GALNT13: variants seen among roughly 807,000 people sequenced by gnomAD.
GALNT13 encodes the protein UDP-GalNAc:polypeptide N-acetylgalactosaminyltransferase 13.
In GALNT13, 28 loss-of-function variants were observed where a neutral mutation model predicts 64.2. That is an observed-to-expected ratio of 0.44 (90% CI 0.32 to 0.60). The LOEUF (loss-of-function observed/expected upper bound fraction) is 0.60, where lower values mean the gene tolerates loss of function less well. GALNT13 is among the 20% of genes least tolerant of loss of function. The pLI is 0.05. For synonymous variants in GALNT13, 214 were observed against 224.6 expected (o/e 0.95, Z 0.42); for missense variants, 577 against 669.8 (o/e 0.86, Z 1.53).
intron 3 of GALNT13, among the ~76,000 whole-genome samples, chr2:154,056,379 T>G (rs1699894094): frequency 6.6e-6 from 1 of 152,178 alleles, no homozygotes; most frequent in African/African-American, 2.4e-5. Flanking sequence ...ATCTTTATAT[T>G]TTTAATCTAA....
chr2:153,376,413 T>G, the GALNT13 span, among the ~76,000 whole-genome samples: 126 of 152,240 alleles, frequency 8.3e-4, 1 homozygote, highest in African/African-American at 2.9e-3. Context: ...CAGGATTTAT[T>G]CTAAAAACAA....
At chr2:153,154,004 G>T in the GALNT13 span, among the ~76,000 whole-genome samples, 1 of 149,622 alleles carries the variant, frequency 6.7e-6, no homozygotes, top group Non-Finnish European at 1.5e-5. Context: ...GCCATTTCAT[G>T]ATATTGATTA....
the GALNT13 span, among the ~76,000 whole-genome samples, chr2:153,541,801 C>T: frequency 1.3e-5 from 2 of 152,214 alleles, no homozygotes; most frequent in East Asian, 1.9e-4. Context: ...ATACAGTTGC[C>T]CATAGTTTGT....
the GALNT13 span, chr2:153,187,377 T>A: frequency 6.6e-6 from 1 of 152,186 alleles, no homozygotes; most frequent in Non-Finnish European, 1.5e-5. Context: ...TCATGGAGAA[T>A]CTTTTCAGTG....
chr2:154,045,074 C>T (rs1699208888), intron 3 of GALNT13, among the ~76,000 whole-genome samples: 1 of 152,158 alleles, frequency 6.6e-6, no homozygotes, highest in Admixed American at 6.5e-5. Context: ...TCACTGAACT[C>T]AGCATGTGCT....
chr2:153,664,966 A>G, the GALNT13 span, among the ~76,000 whole-genome samples: 1 of 152,226 alleles, frequency 6.6e-6, no homozygotes, highest in South Asian at 2.1e-4. Flanking sequence ...CTGGAGTACA[A>G]TTTTATAGGC....
At chr2:153,819,713 T>C in the GALNT13 span, among the ~76,000 whole-genome samples, 7 of 152,150 alleles carry the variant, frequency 4.6e-5, no homozygotes, top group African/African-American at 1.7e-4. Flanking sequence ...TACTGGCCAG[T>C]CCATCTAACC....
chr2:153,195,942 C>A, the GALNT13 span, among the ~76,000 whole-genome samples: 1 of 152,184 alleles, frequency 6.6e-6, no homozygotes, highest in Admixed American at 6.5e-5. Context: ...CTCTCTGCAT[C>A]TGATCATCCC....
At chr2:153,699,754 A>G in the GALNT13 span, among the ~76,000 whole-genome samples, 1 of 152,170 alleles carries the variant, frequency 6.6e-6, no homozygotes, top group Non-Finnish European at 1.5e-5. Flanking sequence ...GAAATGGTAA[A>G]TTCCTGGACA....
the GALNT13 span, among the ~76,000 whole-genome samples, chr2:153,864,948 G>T: frequency 1.4e-5 from 2 of 146,416 alleles, 1 homozygote; most frequent in Non-Finnish European, 3.0e-5. Flanking sequence ...CATGGTACTG[G>T]TACCAAAACA....
chr2:153,852,070 G>GA, the GALNT13 span, among the ~76,000 whole-genome samples: 3 of 151,790 alleles, frequency 2.0e-5, no homozygotes, highest in South Asian at 2.1e-4. Flanking sequence ...CAAAAAATGA[G>GA]AAAAAATGGA....
chr2:153,551,604 G>A, the GALNT13 span, among the ~76,000 whole-genome samples: 1 of 152,204 alleles, frequency 6.6e-6, no homozygotes. Flanking sequence ...TCTTATTGAT[G>A]AATGTTGGAT....
At chr2:154,179,096 T>C (rs1685816442) in intron 4 of GALNT13, among the ~76,000 whole-genome samples, 1 of 152,162 alleles carries the variant, frequency 6.6e-6, no homozygotes, top group Non-Finnish European at 1.5e-5. Context: ...TCACTTATCC[T>C]TCGTGTCCCA....
chr2:153,134,083 T>A, the GALNT13 span, among the ~76,000 whole-genome samples: 3 of 152,206 alleles, frequency 2.0e-5, no homozygotes, highest in African/African-American at 7.2e-5. Context: ...ATTACTGTAA[T>A]GGGCAGAGCA....
chr2:153,453,534 T>C, the GALNT13 span, among the ~76,000 whole-genome samples: 1 of 152,084 alleles, frequency 6.6e-6, no homozygotes, highest in Admixed American at 6.5e-5. Context: ...ATCACTAATC[T>C]TCAGAGCAAT....
At chr2:153,411,004 G>A in the GALNT13 span, among the ~76,000 whole-genome samples, 1 of 151,728 alleles carries the variant, frequency 6.6e-6, no homozygotes, top group South Asian at 2.1e-4. Flanking sequence ...AGTTGGGACT[G>A]CAGGCACTCA....
chr2:153,631,225 G>A, the GALNT13 span, among the ~76,000 whole-genome samples: 2 of 152,082 alleles, frequency 1.3e-5, no homozygotes, highest in African/African-American at 4.8e-5. Flanking sequence ...GGACATTTGT[G>A]TTGGTTCCAA....
chr2:154,029,280 A>C (rs1393535289), intron 3 of GALNT13, among the ~76,000 whole-genome samples: 4 of 151,866 alleles, frequency 2.6e-5, no homozygotes, highest in African/African-American at 9.7e-5. Flanking sequence ...ACTCCGAGAA[A>C]GGCAGGAATC....
the GALNT13 span, among the ~76,000 whole-genome samples, chr2:153,793,745 T>A: frequency 0.18 from 27,531 of 151,932 alleles, 3,600 homozygotes; most frequent in African/African-American, 0.37. Context: ...GAACTAGTAA[T>A]CCACCCTGGA....
Sources: gnomAD v4.1 joint callset for allele counts (sites outside exome capture counted in the v4.1 genomes callset) on GRCh38, gnomAD v4.1.1 for gene constraint, MANE v1.5 for transcripts, NCBI Gene and HGNC (gene_info 2026-07-23, HGNC 2026-07-21) for gene names.